The following POLR2M variants were observed in gnomAD, a reference collection of about 807,000 sequenced individuals.
POLR2M encodes the protein RNA polymerase II subunit M, also known as protein GRINL1A.
Under a neutral mutation model 34.6 loss-of-function variants are expected in POLR2M, and 30 were observed. The observed-to-expected ratio is 0.87, with a 90% CI of 0.65 to 1.18. POLR2M has a LOEUF of 1.18. Ranked by LOEUF, POLR2M falls within the 50% of genes most tolerant of loss-of-function variation. The probability of loss-of-function intolerance (pLI) is 0.00; values close to 1 mark genes in which losing one functional copy is unlikely to be tolerated. For missense variants in POLR2M, 432 were observed against 448.7 expected, an observed-to-expected ratio of 0.96 and a Z score of 0.34; for synonymous variants, 150 against 166.7, an observed-to-expected ratio of 0.90 and a Z score of 0.77.
At chr15:57,710,882 G>T (rs1399527156) in intron 2 of POLR2M, among the ~76,000 whole-genome samples, 1 of 152,184 alleles carries the variant, frequency 6.6e-6, no homozygotes, top group African/African-American at 2.4e-5. Flanking sequence ...GGAAGGTGGG[G>T]TCAGGTAGTG....
rs2040965073 is a variant in POLR2M, at chr15:57,716,794, C to T, written c.*2115C>T. ...TTTTTTAGCCTTATTTGTCATTTAA[C>T]ATAGTTTGTGGTATTTCAGTATAGA... On this transcript the variant is annotated 3_prime_UTR_variant, in exon 4 of 4. Transcript: ENST00000299638. 1 of 152,180 alleles carries T rather than the reference C, an allele frequency of 6.6e-6. No individual in the cohort carries two copies. The highest frequency in any genetic ancestry group is 6.5e-5 in the Admixed American group (1 of 15,282). 9.4% of individuals were successfully genotyped at this position (152,180 alleles called of 1,614,324 possible). A position where few individuals can be genotyped will look rare whatever the true frequency, so the allele number is the denominator to read the frequency against.
chr15:57,707,685 A>G, intron 1 of POLR2M: 3 of 370,012 alleles, frequency 8.1e-6, no homozygotes, highest in South Asian at 6.2e-5. Context: ...CAAAAATAGG[A>G]AAATTCAGGG....
chr15:57,711,054 A>G (rs767286963), intron 2 of POLR2M, among the ~76,000 whole-genome samples: 16 of 152,204 alleles, frequency 1.1e-4, no homozygotes, highest in Non-Finnish European at 1.5e-4. Flanking sequence ...GGGTGTTCCC[A>G]GGTACCTCAG....
At chr15:57,709,504 G>C (rs1016580264) in intron 2 of POLR2M, 146 bp downstream of exon 2, 1 of 901,614 alleles carries the variant, frequency 1.1e-6, no homozygotes, top group African/African-American at 1.7e-5. Flanking sequence ...GAGTCCAGGA[G>C]TTGTAGACCA....
intron 3 of POLR2M, among the ~76,000 whole-genome samples, chr15:57,713,463 T>G (rs1274932830): frequency 6.6e-6 from 1 of 152,124 alleles, no homozygotes; most frequent in Non-Finnish European, 1.5e-5. Context: ...GTAGTGGTAA[T>G]AGCTCCCACT....
At chr15:57,713,208 A>C (rs924950567) in intron 3 of POLR2M, among the ~76,000 whole-genome samples, 1 of 150,080 alleles carries the variant, frequency 6.7e-6, no homozygotes, top group East Asian at 1.9e-4. Flanking sequence ...AAAAAAAAAA[A>C]CAACAAAACA....
Position 57,714,882 on chromosome 15 carries a change from A to G in POLR2M, c.*203A>G. The G allele has an allele frequency of 2.0e-5, 16 of 792,194 alleles. No homozygotes were observed. Among genetic ancestry groups the G allele is most frequent in the Non-Finnish European group, 3.1e-5 (16 of 519,414 alleles). 49.1% of individuals were successfully genotyped at this position (792,194 alleles called of 1,614,324 possible). On this transcript the variant is annotated 3_prime_UTR_variant, in exon 4 of 4. Coordinates refer to ENST00000299638, the MANE Select transcript of POLR2M (RefSeq NM_015532.5). The stretch of plus-strand genomic sequence containing the variant: ...GTTTAATATTTGAATATTGTGTTTA[A>G]CCACATGGTATTAAAATTTTGCAAT...
chr15:57,715,643 T>G lies in POLR2M; in HGVS notation c.*964T>G, dbSNP rs2040912800. 1 of 140,208 alleles carries G rather than the reference T, an allele frequency of 7.1e-6. No individual in the cohort carries two copies. The highest frequency in any genetic ancestry group is 2.5e-5 in the African/African-American group (1 of 40,624). The allele number at this position is 140,208 out of a possible 1,614,324, so 8.7% of individuals were successfully genotyped here. A position where few individuals can be genotyped will look rare whatever the true frequency, so the allele number is the denominator to read the frequency against. ...TTACTTTTTTCCCCCCAAATAGGTA[T>G]ATATAGACTGCAGAAGCTTCAGTCC... On this transcript the variant is annotated 3_prime_UTR_variant, in exon 4 of 4. Coordinates refer to ENST00000299638, the MANE Select transcript of POLR2M (RefSeq NM_015532.5).
At chr15:57,710,481 C>A (rs553726837) in intron 2 of POLR2M, among the ~76,000 whole-genome samples, 2 of 152,200 alleles carry the variant, frequency 1.3e-5, no homozygotes, top group South Asian at 4.2e-4. Context: ...TAATTCTACC[C>A]CAGCATTCAT....
chr15:57,714,734 C>CT lies in POLR2M; in HGVS notation c.*56dup, dbSNP rs1459549105. 6.3e-7 allele frequency: 1 copy of CT among 1,581,100 alleles called. No individual in the cohort carries two copies. Among genetic ancestry groups the CT allele is most frequent in the African/African-American group, 1.4e-5 (1 of 73,042 alleles). ...ATGTCATCATCTTACATCAGACTTT[C>CT]TAACTAGTATCAAGATCAGTGTCAG... On this transcript the variant is annotated 3_prime_UTR_variant, in exon 4 of 4. Transcript: ENST00000299638.
chr15:57,707,651 C>T (rs1283770839), intron 1 of POLR2M: 3 of 410,400 alleles, frequency 7.3e-6, no homozygotes, highest in African/African-American at 6.2e-5. Context: ...GCTGAAGTTT[C>T]CAATCTATAT....
chr15:57,709,959 G>A (rs1332984279), intron 2 of POLR2M, among the ~76,000 whole-genome samples: 1 of 152,208 alleles, frequency 6.6e-6, no homozygotes, highest in Non-Finnish European at 1.5e-5. Flanking sequence ...AGCAGCAGGT[G>A]TTGTGGGGAC....
intron 3 of POLR2M, among the ~76,000 whole-genome samples, chr15:57,712,491 C>T (rs749297243): frequency 2.4e-4 from 37 of 152,132 alleles, no homozygotes; most frequent in Non-Finnish European, 3.4e-4. Context: ...GTAGTAGCAT[C>T]GCATCTCTCC....
chr15:57,709,445 T>G, intron 2 of POLR2M, 87 bp downstream of exon 2: 2 of 1,473,084 alleles, frequency 1.4e-6, no homozygotes, highest in South Asian at 2.7e-5. Flanking sequence ...TGGTGGTGCT[T>G]GCCTGTAGTC....
At chr15:57,712,336 C>T in intron 3 of POLR2M, 148 bp downstream of exon 3, 2 of 942,178 alleles carry the variant, frequency 2.1e-6, no homozygotes, top group Non-Finnish European at 1.6e-6. Flanking sequence ...TTCAGAGAGT[C>T]ACAAAGTTGC....
At chr15:57,711,865 C>CT in intron 2 of POLR2M, 119 bp from the exon 3 acceptor site, 1 of 1,199,654 alleles carries the variant, frequency 8.3e-7, no homozygotes, top group Non-Finnish European at 1.2e-6. Context: ...TGGTAAATTA[C>CT]TTACTGTTAC....
intron 2 of POLR2M, 117 bp downstream of exon 2, chr15:57,709,475 G>A: frequency 8.2e-7 from 1 of 1,222,678 alleles, no homozygotes; most frequent in Non-Finnish European, 1.1e-6. Flanking sequence ...TCAGGAGGCT[G>A]AGGTGGGAAG....
rs2040926560 is a variant in POLR2M, at chr15:57,715,985, T to C, written c.*1306T>C. 1 of 152,422 alleles carries C rather than the reference T, an allele frequency of 6.6e-6. No individual in the cohort carries two copies. The highest frequency in any genetic ancestry group is 1.5e-5 in the Non-Finnish European group (1 of 68,050). 9.4% of individuals were successfully genotyped at this position (152,422 alleles called of 1,614,324 possible). ...CATTAGTTTTAGTTCTTAAAACGAA[T>C]AGTAAATGATTTCACAGCGTAAAAT... On this transcript the variant is annotated 3_prime_UTR_variant, in exon 4 of 4. Coordinates refer to ENST00000299638, the MANE Select transcript of POLR2M (RefSeq NM_015532.5).
Position 57,715,099 on chromosome 15 carries a change from T to G in POLR2M, c.*420T>G, listed in dbSNP as rs1293740632. 42 of 169,392 alleles carry G rather than the reference T, an allele frequency of 2.5e-4. No individual in the cohort carries two copies. Among genetic ancestry groups the G allele is most frequent in the Middle Eastern group, 2.6e-3 (1 of 384 alleles). 10.5% of individuals were successfully genotyped at this position (169,392 alleles called of 1,614,324 possible). Reference sequence around the variant, plus strand: ...CAATTAGGAAGACATAGTTCCCTTCTTTTTTGGGTAATGAAGGGAGCAGTC... The same window carrying G: ...CAATTAGGAAGACATAGTTCCCTTCGTTTTTGGGTAATGAAGGGAGCAGTC... On this transcript the variant is annotated 3_prime_UTR_variant, in exon 4 of 4. Transcript: ENST00000299638.
Sources: gnomAD v4.1 joint callset for allele counts (sites outside exome capture counted in the v4.1 genomes callset) on GRCh38, gnomAD v4.1.1 for gene constraint, MANE v1.5 for transcripts, NCBI Gene and HGNC (gene_info 2026-07-23, HGNC 2026-07-21) for gene names.